The following CEP170 variants were observed in gnomAD, a reference collection of about 807,000 sequenced individuals.
The protein encoded by CEP170 is centrosomal protein of 170 kDa.
In CEP170, 21 loss-of-function variants were observed where a neutral mutation model predicts 151.9. That is an observed-to-expected ratio of 0.14 (90% CI 0.10 to 0.20). The LOEUF (loss-of-function observed/expected upper bound fraction) is 0.20, where lower values mean the gene tolerates loss of function less well. Ranked by LOEUF, CEP170 falls within the 10% of genes least tolerant of loss-of-function variation. CEP170 has a pLI of 1.00. For missense variants in CEP170, 964 were observed against 1,892.9 expected, an observed-to-expected ratio of 0.51 and a Z score of 9.11; for synonymous variants, 356 against 648.8, an observed-to-expected ratio of 0.55 and a Z score of 6.86.
chr1:243,128,217 G>A (rs1354679792), intron 19 of CEP170, 32 bp downstream of exon 19: 6 of 1,531,352 alleles, frequency 3.9e-6, no homozygotes, highest in Non-Finnish European at 5.2e-6. Flanking sequence ...TAAATTATTA[G>A]CTCTTTATAC....
rs866129882 is a variant in CEP170 at position 243,164,163 on chromosome 1, C to G, written c.3676+121G>C. ...ACCGCCGCTGCCCCGTATATCATAA[C>G]TTTTGTTTTGAATGAGTATCTTGGG... is the stretch of plus-strand genomic sequence containing the variant. On this transcript the variant is annotated intron_variant, in intron 13 of 19. Transcript: ENST00000366542. 17 of 1,242,496 alleles carry G rather than the reference C, an allele frequency of 1.4e-5. No homozygotes were observed. In the Middle Eastern group the frequency reaches 3.1e-3, roughly 224 times the overall value. 77.0% of individuals were successfully genotyped at this position (1,242,496 alleles called of 1,614,324 possible).
At chr1:243,201,433 A>G (rs969574359) in intron 4 of CEP170, among the ~76,000 whole-genome samples, 2 of 152,204 alleles carry the variant, frequency 1.3e-5, no homozygotes, top group African/African-American at 4.8e-5. Context: ...ACCAAGTGCT[A>G]GATACAATGA....
chr1:243,141,870 A>T (rs184037625), intron 15 of CEP170, among the ~76,000 whole-genome samples: 5 of 152,338 alleles, frequency 3.3e-5, no homozygotes, highest in African/African-American at 9.6e-5. Context: ...TTATCAACAG[A>T]ATTATTAAAG....
At chr1:243,252,146 A>G (rs2065992709) in intron 1 of CEP170, among the ~76,000 whole-genome samples, 1 of 152,210 alleles carries the variant, frequency 6.6e-6, no homozygotes, top group South Asian at 2.1e-4. Context: ...TGCTCCAGTC[A>G]ATACTATCTA....
intron 1 of CEP170, among the ~76,000 whole-genome samples, chr1:243,235,079 A>G (rs1166718759): frequency 6.6e-6 from 1 of 152,198 alleles, no homozygotes; most frequent in Non-Finnish European, 1.5e-5. Context: ...TTCATTCACA[A>G]GTAGTAAGCA....
intron 13 of CEP170, among the ~76,000 whole-genome samples, chr1:243,157,647 C>T (rs1572327178): frequency 6.6e-6 from 1 of 152,148 alleles, no homozygotes; most frequent in Non-Finnish European, 1.5e-5. Flanking sequence ...CCCTAAGCTG[C>T]ACAGAATCCA....
intron 17 of CEP170, among the ~76,000 whole-genome samples, chr1:243,132,169 C>A (rs1008204723): frequency 5.9e-5 from 9 of 152,176 alleles, no homozygotes; most frequent in Non-Finnish European, 1.3e-4. Flanking sequence ...TAACTCCTGA[C>A]ACAAAGCTTA....
chr1:243,154,701 A>C (rs1275010841), intron 14 of CEP170, among the ~76,000 whole-genome samples: 2 of 152,264 alleles, frequency 1.3e-5, no homozygotes, highest in East Asian at 3.8e-4. Flanking sequence ...ACACATTGAT[A>C]ATAGTAACAC....
chr1:243,225,811 C>T (rs2063174044), intron 1 of CEP170, among the ~76,000 whole-genome samples: 1 of 151,880 alleles, frequency 6.6e-6, no homozygotes, highest in Admixed American at 6.6e-5. Context: ...CAGGTGTAAA[C>T]CACAGAATGC....
intron 11 of CEP170, among the ~76,000 whole-genome samples, chr1:243,170,339 C>A (rs1387613404): frequency 6.6e-6 from 1 of 150,476 alleles, no homozygotes; most frequent in African/African-American, 2.4e-5. Flanking sequence ...GAGCTGAGAT[C>A]GTGCCACTGC....
intron 3 of CEP170, among the ~76,000 whole-genome samples, chr1:243,219,516 C>A (rs2062604582): frequency 6.6e-6 from 1 of 152,158 alleles, no homozygotes; most frequent in Non-Finnish European, 1.5e-5. Context: ...AAAGGCCAAC[C>A]TAGAAAAATG....
chr1:243,235,165 T>C (rs2064141809), intron 1 of CEP170, among the ~76,000 whole-genome samples: 1 of 151,778 alleles, frequency 6.6e-6, no homozygotes, highest in Non-Finnish European at 1.5e-5. Context: ...AATAAACAAA[T>C]AGCTACATAA....
In CEP170 at chr1:243,243,274, T is replaced by C. The variant is rs563778370; in HGVS notation, c.-42+11766A>G. 1.3e-4 allele frequency among the ~76,000 whole-genome samples: 20 copies of C among 152,106 alleles called. No individual in the cohort carries two copies. In the South Asian group the frequency reaches 4.1e-3, roughly 32 times the overall value. On this transcript the variant is annotated intron_variant, in intron 1 of 19. Coordinates refer to ENST00000366542, the MANE Select transcript of CEP170 (RefSeq NM_014812.3). ...ATAGGGTAAAACATAAAGCAAGGGC[T>C]CTCATTTTTTACTAAATAGACCAAC...
chr1:243,204,394 T>A (rs1452046636), intron 4 of CEP170, among the ~76,000 whole-genome samples: 1 of 152,196 alleles, frequency 6.6e-6, no homozygotes, highest in Non-Finnish European at 1.5e-5. Context: ...CTAATATGAC[T>A]AACCCAATCA....
At position 243,225,315 on chromosome 1, in the gene CEP170, C is replaced by T. The variant is rs756022199; in HGVS notation, c.-35G>A. 16 of 1,333,680 alleles carry T rather than the reference C, an allele frequency of 1.2e-5. No homozygotes were observed. The highest frequency in any genetic ancestry group is 4.1e-5 in the South Asian group (3 of 73,250). 82.6% of individuals were successfully genotyped at this position (1,333,680 alleles called of 1,614,324 possible). ...AGCTTCTAAGTCTTTGGCAAAGCTA[C>T]GTCATCCTGAAGAGAAACATGAAGA... is the stretch of plus-strand genomic sequence containing the variant. On this transcript the variant is annotated 5_prime_UTR_variant, in exon 2 of 20. Coordinates refer to ENST00000366542, the MANE Select transcript of CEP170 (RefSeq NM_014812.3).
intron 1 of CEP170, among the ~76,000 whole-genome samples, chr1:243,248,108 G>A (rs1269696332): frequency 6.6e-6 from 1 of 152,172 alleles, no homozygotes; most frequent in Non-Finnish European, 1.5e-5. Flanking sequence ...TAGTTGCCAG[G>A]GGAGAATAAC....
In CEP170 at chr1:243,142,401, G is replaced by C; in HGVS notation, c.3974C>G (p.Ser1325Ter). Residue 1325 changes from serine (S) to a stop codon, truncating the protein, a stop_gained, in exon 15 of 20, where the codon TCA becomes TGA. Coordinates refer to ENST00000366542, the MANE Select transcript of CEP170 (RefSeq NM_014812.3). LOFTEE classifies it high-confidence loss of function. Reference protein sequence around the residue: ...EINDVAGEIDSVTSSGTAPST... With the variant: ...EINDVAGEID ...AGGGGCAGTGCCTGATGAAGTCACT[G>C]AATCTATCTCTCCTGCTACATCGTT... 1 of 1,591,910 alleles carries C rather than the reference G, an allele frequency of 6.3e-7. No homozygotes were observed. Among genetic ancestry groups the C allele is most frequent in the Non-Finnish European group, 8.6e-7 (1 of 1,167,892 alleles).
At chr1:243,155,388 A>C (rs940700488) in intron 14 of CEP170, among the ~76,000 whole-genome samples, 1 of 152,190 alleles carries the variant, frequency 6.6e-6, no homozygotes, top group Admixed American at 6.5e-5. Context: ...TCTATGAAAT[A>C]TTATGTATAA....
intron 2 of CEP170, among the ~76,000 whole-genome samples, chr1:243,224,278 C>A (rs2063051563): frequency 6.6e-6 from 1 of 152,120 alleles, no homozygotes; most frequent in Non-Finnish European, 1.5e-5. Flanking sequence ...CAAAGATAGG[C>A]AATTTTGACC....
Sources: allele counts gnomAD v4.1 joint callset (sites outside exome capture counted in the v4.1 genomes callset), GRCh38; gene constraint gnomAD v4.1.1; transcripts MANE v1.5; gene names NCBI Gene and HGNC (gene_info 2026-07-23, HGNC 2026-07-21).